TMEM164: variants seen among roughly 807,000 people sequenced by gnomAD.
The protein encoded by TMEM164 is RP13-360B22.2.
In TMEM164, 4 loss-of-function variants were observed where a neutral mutation model predicts 18.8. The observed-to-expected ratio is 0.21, with a 90% CI of 0.10 to 0.49. The LOEUF (loss-of-function observed/expected upper bound fraction) is 0.49, where lower values mean the gene tolerates loss of function less well. Ranked by LOEUF, TMEM164 falls within the 20% of genes least tolerant of loss-of-function variation. The probability of loss-of-function intolerance (pLI) is 0.98; values close to 1 mark genes in which losing one functional copy is unlikely to be tolerated. For synonymous variants in TMEM164, 86 were observed against 101.7 expected, an observed-to-expected ratio of 0.85 and a Z score of 0.93; for missense variants, 108 against 239.9, an observed-to-expected ratio of 0.45 and a Z score of 3.63.
intron 4 of TMEM164, among the ~76,000 whole-genome samples, chrX:110,127,417 G>A (rs1210715469): frequency 9.0e-6 from 1 of 111,687 alleles, no homozygotes; most frequent in East Asian, 2.8e-4. Context: ...GGAGGCTGAG[G>A]CAGGAGAATC....
intron 3 of TMEM164, among the ~76,000 whole-genome samples, chrX:110,071,151 ATATTTATTTATT>A (rs59713249): frequency 2.9e-4 from 28 of 96,821 alleles, no homozygotes; most frequent in East Asian, 2.7e-3. Context: ...AGATTTTTAA[ATATTTATTTATT>A]TATTTATTTA....
chrX:110,014,744 C>CTTTTTTTTTTTTTTTTTTTTTGTTTT (rs1933221325), intron 2 of TMEM164, among the ~76,000 whole-genome samples: 1 of 54,239 alleles, frequency 1.8e-5, no homozygotes, highest in African/African-American at 7.5e-5. Context: ...TTGGTTGTTT[C>CTTTTTTTTTTTTTTTTTTTTTGTTTT]TTTTTTTTTT....
chrX:110,109,294 G>T, intron 4 of TMEM164, 148 bp downstream of exon 4: 3 of 481,322 alleles, frequency 6.2e-6, no homozygotes, highest in Non-Finnish European at 1.1e-5. Flanking sequence ...AAGGCGGGTG[G>T]ATCACTTGAG....
intron 5 of TMEM164, among the ~76,000 whole-genome samples, chrX:110,147,362 A>G: frequency 8.9e-6 from 1 of 112,071 alleles, no homozygotes; most frequent in Non-Finnish European, 1.9e-5. Flanking sequence ...GCTACGCTAT[A>G]TGTATACAAT....
chrX:110,118,002 T>C (rs747415840), intron 4 of TMEM164, among the ~76,000 whole-genome samples: 72 of 112,095 alleles, frequency 6.4e-4, no homozygotes, highest in African/African-American at 2.1e-3. Flanking sequence ...AACCTTTGCC[T>C]CTCAGGTTCA....
Position 110,052,745 on chromosome X carries a change from GT to G in TMEM164, c.391-14579del, listed in dbSNP as rs34292132. Among the ~76,000 whole-genome samples, 263 of 68,816 alleles carry G rather than the reference GT, an allele frequency of 3.8e-3. 2 individuals carry two copies. The highest frequency in any genetic ancestry group is 0.012 in the African/African-American group (223 of 18,444). The allele number at this position is 68,816 out of a possible 115,157, so 59.8% of individuals were successfully genotyped here. A position where few individuals can be genotyped will look rare whatever the true frequency, so the allele number is the denominator to read the frequency against. On this transcript the variant is annotated intron_variant, in intron 2 of 6. Transcript: ENST00000372068. ...AAAAGAACAGCATTTACATGCATCT[GT>G]TTTTTTTTTTTTTTTTTTTTTTGAG...
intron 2 of TMEM164, among the ~76,000 whole-genome samples, chrX:110,027,484 G>A (rs772985791): frequency 1.8e-5 from 2 of 111,688 alleles, no homozygotes; most frequent in African/African-American, 6.5e-5. Flanking sequence ...TGGGCTGGGC[G>A]CAGTGGCTCA....
At chrX:110,168,112 C>T (rs1394777043) in intron 5 of TMEM164, among the ~76,000 whole-genome samples, 3 of 112,292 alleles carry the variant, frequency 2.7e-5, no homozygotes, top group Admixed American at 9.3e-5. Context: ...AGGGGGCACC[C>T]GGGACAACAG....
intron 3 of TMEM164, among the ~76,000 whole-genome samples, chrX:110,073,109 A>G (rs2065620462): frequency 9.0e-6 from 1 of 110,950 alleles, no homozygotes; most frequent in Non-Finnish European, 1.9e-5. Context: ...GTGGCTCACT[A>G]TAGCCTCGAC....
At chrX:110,154,431 T>A (rs1159931775) in intron 5 of TMEM164, among the ~76,000 whole-genome samples, 2 of 111,141 alleles carry the variant, frequency 1.8e-5, no homozygotes, top group Non-Finnish European at 3.8e-5. Context: ...TTTATTTTTA[T>A]TTTTTTGAGA....
At chrX:110,013,869 A>G (rs1307696932) in intron 2 of TMEM164, among the ~76,000 whole-genome samples, 1 of 111,933 alleles carries the variant, frequency 8.9e-6, no homozygotes, top group African/African-American at 3.3e-5. Flanking sequence ...TAATAGTAAT[A>G]GTATTACTTA....
At chrX:110,066,273 T>C (rs926155473) in intron 2 of TMEM164, among the ~76,000 whole-genome samples, 1 of 111,758 alleles carries the variant, frequency 8.9e-6, no homozygotes, top group Non-Finnish European at 1.9e-5. Flanking sequence ...ATAATGCAGA[T>C]ATCCTATATT....
downstream of TMEM164, among the ~76,000 whole-genome samples, chrX:110,180,495 C>A (rs1047544067): frequency 9.2e-6 from 1 of 108,834 alleles, no homozygotes; most frequent in African/African-American, 3.5e-5. Flanking sequence ...ACCCCCCCGC[C>A]CCGCCCACAG....
chrX:110,061,212 T>C (rs1466061451), intron 2 of TMEM164, among the ~76,000 whole-genome samples: 2 of 112,640 alleles, frequency 1.8e-5, no homozygotes, highest in Admixed American at 1.9e-4. Flanking sequence ...GAGTGCTAGC[T>C]ATGTGCTAGG....
chrX:110,166,152 A>G (rs2067156244), intron 5 of TMEM164, among the ~76,000 whole-genome samples: 1 of 111,239 alleles, frequency 9.0e-6, no homozygotes, highest in African/African-American at 3.3e-5. Flanking sequence ...GCACACAAAC[A>G]GCATGCTGTT....
At chrX:110,107,971 C>T (rs1009712120) in intron 3 of TMEM164, among the ~76,000 whole-genome samples, 5 of 110,276 alleles carry the variant, frequency 4.5e-5, no homozygotes, top group South Asian at 3.8e-4. Flanking sequence ...CATCTCTTAG[C>T]GTTACAAACA....
intron 5 of TMEM164, among the ~76,000 whole-genome samples, chrX:110,167,456 CAT>C (rs2067172545): frequency 8.9e-6 from 1 of 112,230 alleles, no homozygotes; most frequent in African/African-American, 3.2e-5. Context: ...TAGACAGATA[CAT>C]AGTTTGGCTG....
intron 2 of TMEM164, among the ~76,000 whole-genome samples, chrX:110,032,296 C>G (rs770355224): frequency 5.4e-5 from 6 of 111,540 alleles, no homozygotes; most frequent in African/African-American, 2.0e-4. Flanking sequence ...CTGTAACATG[C>G]CCTATAAATA....
intron 2 of TMEM164, among the ~76,000 whole-genome samples, chrX:110,049,396 T>A (rs753349736): frequency 4.1e-4 from 45 of 110,963 alleles, no homozygotes; most frequent in African/African-American, 1.4e-3. Context: ...GGAGGATGGT[T>A]TCAGGATGAA....
Sources: allele counts gnomAD v4.1 joint callset (sites outside exome capture counted in the v4.1 genomes callset), GRCh38; gene constraint gnomAD v4.1.1; transcripts MANE v1.5; gene names NCBI Gene and HGNC (gene_info 2026-07-23, HGNC 2026-07-21).